Variants in DOCK2 observed in about 807,000 individuals in gnomAD.
DOCK2 encodes dedicator of cytokinesis protein 2.
A neutral mutation model predicts 248.9 loss-of-function variants in DOCK2; 87 were observed. That is an observed-to-expected ratio of 0.35 (90% confidence interval 0.29 to 0.42). The LOEUF (loss-of-function observed/expected upper bound fraction) is 0.42, where lower values mean the gene tolerates loss of function less well. Among genes scored for constraint, DOCK2 ranks in the 10% least tolerant of loss-of-function variants. DOCK2 has a pLI of 1.00. For missense variants in DOCK2, 1,747 were observed against 2,300.2 expected, an observed-to-expected ratio of 0.76 and a Z score of 4.92; for synonymous variants, 805 against 821.6, an observed-to-expected ratio of 0.98 and a Z score of 0.35.
At chr5:169,979,335 A>G (rs141483936) in intron 27 of DOCK2, among the ~76,000 whole-genome samples, 157 of 152,328 alleles carry the variant, frequency 1.0e-3, no homozygotes, top group African/African-American at 3.5e-3. Flanking sequence ...AATTTAAGAC[A>G]TGGTGGATAT....
chr5:169,963,611 A>T (rs1351267758), intron 27 of DOCK2, among the ~76,000 whole-genome samples: 1 of 152,142 alleles, frequency 6.6e-6, no homozygotes, highest in Admixed American at 6.5e-5. Context: ...TCCGGTGCAC[A>T]TCAAAGCAGG....
chr5:170,071,059 C>A (rs1757664156), intron 46 of DOCK2, among the ~76,000 whole-genome samples: 3 of 152,174 alleles, frequency 2.0e-5, no homozygotes, highest in Admixed American at 2.0e-4. Flanking sequence ...CCCACCTAAC[C>A]CCCAAACGAG....
intron 33 of DOCK2, among the ~76,000 whole-genome samples, chr5:170,021,465 C>T (rs1328368934): frequency 6.6e-6 from 1 of 152,128 alleles, no homozygotes; most frequent in Non-Finnish European, 1.5e-5. Context: ...AAGACCTGGT[C>T]GTTGCCTGGA....
At chr5:169,966,823 C>A (rs900447792) in intron 27 of DOCK2, among the ~76,000 whole-genome samples, 1 of 152,192 alleles carries the variant, frequency 6.6e-6, no homozygotes, top group Non-Finnish European at 1.5e-5. Flanking sequence ...AGCCATCATG[C>A]AATGAGGAGG....
intron 22 of DOCK2, among the ~76,000 whole-genome samples, chr5:169,725,933 C>G (rs2113600183): frequency 6.6e-6 from 1 of 152,208 alleles, no homozygotes; most frequent in African/African-American, 2.4e-5. Context: ...GGTTCCAAGT[C>G]TTTGCTATTG....
intron 44 of DOCK2, among the ~76,000 whole-genome samples, chr5:170,061,784 C>G (rs1191863596): frequency 2.0e-5 from 3 of 152,202 alleles, no homozygotes; most frequent in African/African-American, 7.2e-5. Flanking sequence ...AAGCCTGAGT[C>G]TTTCAGATAT....
At chr5:169,780,295 ATGTGTGTG>A (rs3138738) in intron 25 of DOCK2, among the ~76,000 whole-genome samples, 4,066 of 137,754 alleles carry the variant, frequency 0.03, 65 homozygotes, top group Non-Finnish European at 0.037. Flanking sequence ...AACCCAATAA[ATGTGTGTG>A]TGTGTGTGTG....
Position 169,985,897 on chromosome 5 carries a change from A to T in DOCK2, c.2968A>T (p.Met990Leu), listed in dbSNP as rs769613423. The change falls in exon 29 of 52, where the codon ATG (methionine) becomes TTG (leucine). Residue 990 changes from methionine (M) to leucine (L), a missense_variant. Around this residue, in one of 4 missense-constraint regions of DOCK2, gnomAD observed 858 missense variants for 1,183.5 expected, o/e 0.72. Coordinates refer to ENST00000520908, the MANE Select transcript of DOCK2 (RefSeq NM_004946.3). ...IGKNVYPGDW[M>L]AMSMVQNRVF... ...AAAGAACGTGTACCCTGGAGACTGG[A>T]TGGCCATGAGCATGGTTCAAAACAG... 1.9e-6 allele frequency: 3 copies of T among 1,611,284 alleles called. No individual in the cohort carries two copies.
intron 22 of DOCK2, among the ~76,000 whole-genome samples, chr5:169,736,883 G>T (rs527539721): frequency 6.6e-6 from 1 of 152,244 alleles, no homozygotes; most frequent in South Asian, 2.1e-4. Context: ...ACTTTGGTTT[G>T]CATTAGTAAT....
intron 27 of DOCK2, chr5:169,864,309 G>T (rs201654163): frequency 1.9e-6 from 3 of 1,551,558 alleles, no homozygotes; most frequent in Non-Finnish European, 2.6e-6. Flanking sequence ...TCACCTTCTT[G>T]GTTTTCCGCC....
chr5:169,640,812 G>C (rs940544049), intron 1 of DOCK2, among the ~76,000 whole-genome samples: 1 of 152,178 alleles, frequency 6.6e-6, no homozygotes, highest in Admixed American at 6.5e-5. Context: ...GCTTCTTGCT[G>C]TACCTGTTGA....
chr5:169,897,857 T>G (rs1773702244), intron 27 of DOCK2, among the ~76,000 whole-genome samples: 1 of 152,048 alleles, frequency 6.6e-6, no homozygotes, highest in African/African-American at 2.4e-5. Flanking sequence ...AATAGAGGAG[T>G]GGACTCTCAA....
chr5:169,790,406 G>A (rs1425453770), intron 25 of DOCK2, among the ~76,000 whole-genome samples: 4 of 152,150 alleles, frequency 2.6e-5, no homozygotes, highest in African/African-American at 9.7e-5. Context: ...TTCAGAGAAC[G>A]CTTGCCTGAG....
chr5:170,044,584 G>T (rs1022160065), intron 38 of DOCK2, among the ~76,000 whole-genome samples: 2 of 152,160 alleles, frequency 1.3e-5, no homozygotes, highest in Non-Finnish European at 2.9e-5. Flanking sequence ...AGCCCAGGGG[G>T]ATTACCCCAA....
intron 29 of DOCK2, among the ~76,000 whole-genome samples, chr5:169,995,051 G>C (rs1754558078): frequency 7.0e-6 from 1 of 143,226 alleles, no homozygotes; most frequent in Non-Finnish European, 1.5e-5. Context: ...TTTTTTTTGA[G>C]AGAGACTCTC....
At chr5:169,691,922 C>A (rs1452810758) in intron 9 of DOCK2, among the ~76,000 whole-genome samples, 2 of 151,330 alleles carry the variant, frequency 1.3e-5, no homozygotes, top group South Asian at 2.1e-4. Flanking sequence ...GTGGTGCAAT[C>A]TCAGCTCACT....
At chr5:169,829,611 G>A (rs1769097895) in intron 26 of DOCK2, among the ~76,000 whole-genome samples, 1 of 152,194 alleles carries the variant, frequency 6.6e-6, no homozygotes, top group Admixed American at 6.5e-5. Context: ...CAGGGCCTAT[G>A]ACTTTATTGG....
At chr5:169,700,347 C>T (rs1581057553) in intron 13 of DOCK2, among the ~76,000 whole-genome samples, 1 of 152,236 alleles carries the variant, frequency 6.6e-6, no homozygotes, top group Admixed American at 6.5e-5. Context: ...AATATAAACA[C>T]ATACCCCTTC....
intron 27 of DOCK2, among the ~76,000 whole-genome samples, chr5:169,969,557 T>C (rs941022813): frequency 6.6e-6 from 1 of 152,176 alleles, no homozygotes; most frequent in Non-Finnish European, 1.5e-5. Flanking sequence ...AGGTGGTATG[T>C]AGGAGAGTGG....
Sources: allele counts gnomAD v4.1 joint callset (sites outside exome capture counted in the v4.1 genomes callset), GRCh38; gene constraint gnomAD v4.1.1; regional missense constraint gnomAD v4.1.1; transcripts MANE v1.5; gene names NCBI Gene and HGNC (gene_info 2026-07-23, HGNC 2026-07-21).